FBXL13: variants seen among roughly 807,000 people sequenced by gnomAD.
FBXL13 encodes the protein F-box and leucine rich repeat protein 13.
Under a neutral mutation model 83.6 loss-of-function variants are expected in FBXL13, and 67 were observed. The ratio of observed to expected loss-of-function variants is 0.80; its 90% confidence interval spans 0.66 to 0.98. The LOEUF is 0.98. Among genes scored for constraint, FBXL13 ranks in the 50% least tolerant of loss-of-function variants. FBXL13 has a pLI of 0.00. For synonymous variants in FBXL13, 272 were observed against 299.5 expected (o/e 0.91, Z 0.95); for missense variants, 822 against 866.5 (o/e 0.95, Z 0.64).
chr7:102,916,032 G>A (rs577698823), intron 10 of FBXL13, among the ~76,000 whole-genome samples: 1 of 151,388 alleles, frequency 6.6e-6, no homozygotes, highest in East Asian at 1.9e-4. Context: ...TACCCAGGCT[G>A]GAGTGCAATG....
intron 1 of FBXL13, among the ~76,000 whole-genome samples, chr7:103,058,064 T>G (rs1210812246): frequency 6.6e-6 from 1 of 152,174 alleles, no homozygotes; most frequent in Non-Finnish European, 1.5e-5. Flanking sequence ...TTTCTTAGAC[T>G]CTCAGCAATT....
intron 3 of FBXL13, 86 bp from the exon 5 acceptor site, chr7:103,028,834 A>G (rs544421249): frequency 1.0e-5 from 12 of 1,162,442 alleles, no homozygotes; most frequent in Admixed American, 7.1e-5. Flanking sequence ...ACAAAGAATG[A>G]TATCTCCTTT....
intron 6 of FBXL13, among the ~76,000 whole-genome samples, chr7:102,991,703 T>C (rs1829574989): frequency 6.6e-6 from 1 of 152,204 alleles, no homozygotes; most frequent in Non-Finnish European, 1.5e-5. Context: ...AGTTAATTGA[T>C]AAATTGCTTC....
At chr7:103,052,814 T>G (rs1796957249) in intron 2 of FBXL13, among the ~76,000 whole-genome samples, 1 of 151,006 alleles carries the variant, frequency 6.6e-6, no homozygotes, top group Non-Finnish European at 1.5e-5. Flanking sequence ...TGGAGTGCAG[T>G]GGCACGATCT....
intron 6 of FBXL13, among the ~76,000 whole-genome samples, chr7:102,994,792 T>A (rs1014155778): frequency 6.6e-6 from 1 of 152,186 alleles, no homozygotes; most frequent in African/African-American, 2.4e-5. Flanking sequence ...CAGTGCAGGC[T>A]ACACTCTATT....
chr7:102,877,561 T>C (rs772831255), exon 16 of FBXL13: 2 of 1,610,354 alleles, frequency 1.2e-6, no homozygotes, highest in Non-Finnish European at 1.7e-6. Flanking sequence ...ATGTTCACAA[T>C]TTCGTAAACT....
At chr7:103,034,007 TAC>T (rs201055509) in intron 2 of FBXL13, among the ~76,000 whole-genome samples, 7,441 of 152,050 alleles carry the variant, frequency 0.049, 225 homozygotes, top group South Asian at 0.13. Context: ...AGTAGCTAGA[TAC>T]AGAGTGTCGA....
At chr7:102,932,252 T>C (rs1819323409) in intron 8 of FBXL13, among the ~76,000 whole-genome samples, 1 of 152,240 alleles carries the variant, frequency 6.6e-6, no homozygotes, top group Admixed American at 6.5e-5. Flanking sequence ...TGGTTTTTTG[T>C]GCCTGCTTTT....
At chr7:103,031,753 G>A (rs1794533649) in intron 2 of FBXL13, among the ~76,000 whole-genome samples, 1 of 152,238 alleles carries the variant, frequency 6.6e-6, no homozygotes, top group Admixed American at 6.5e-5. Flanking sequence ...AAGTTAAAGA[G>A]TGGGAATGTG....
intron 6 of FBXL13, among the ~76,000 whole-genome samples, chr7:102,992,378 T>C (rs1419165567): frequency 2.0e-5 from 3 of 152,172 alleles, no homozygotes; most frequent in Non-Finnish European, 4.4e-5. Context: ...AACAGAAACA[T>C]TAAGCAGCAT....
In FBXL13 at chr7:102,934,018, G is replaced by A. The variant is rs377630961; in HGVS notation, c.725-2085C>T. 2.2e-5 allele frequency: 36 copies of A among 1,614,038 alleles called. No individual in the cohort carries two copies. In the African/African-American group the frequency reaches 3.3e-4, roughly 15 times the overall value. On this transcript the variant is annotated intron_variant, in intron 8 of 19. Coordinates refer to ENST00000313221, the Ensembl canonical transcript of FBXL13. ...GAAGCCGAGTGAATCATGGCCGGGC[G>A]GGTGGAGGCCGGAGAGGCTCCAACC...
At chr7:103,007,033 A>C (rs1791063992) in intron 6 of FBXL13, among the ~76,000 whole-genome samples, 1 of 152,150 alleles carries the variant, frequency 6.6e-6, no homozygotes, top group Non-Finnish European at 1.5e-5. Flanking sequence ...ACCGCTATTC[A>C]AAATGAAGCA....
At chr7:102,896,108 G>T (rs1249990635) in intron 11 of FBXL13, among the ~76,000 whole-genome samples, 1 of 152,196 alleles carries the variant, frequency 6.6e-6, no homozygotes, top group East Asian at 1.9e-4. Context: ...GAGTTGGCAA[G>T]AAGGAGAACA....
intron 11 of FBXL13, among the ~76,000 whole-genome samples, chr7:102,910,369 GT>G (rs1052767740): frequency 3.3e-5 from 5 of 151,386 alleles, no homozygotes; most frequent in Admixed American, 6.6e-5. Flanking sequence ...TTATGAAGGT[GT>G]TTTTTCTTTT....
At chr7:102,903,939 C>CTTTTCTTTTTTTTTTTTTTTTTTTTTTT (rs1321420603) in intron 11 of FBXL13, among the ~76,000 whole-genome samples, 3 of 43,456 alleles carry the variant, frequency 6.9e-5, no homozygotes, top group Admixed American at 2.4e-4. Context: ...CTTTTCTTTT[C>CTTTTCTTTTTTTTTTTTTTTTTTTTTTT]TTTTTTTTTT....
chr7:103,009,245 A>C (rs1179693896), intron 6 of FBXL13, among the ~76,000 whole-genome samples: 1 of 152,226 alleles, frequency 6.6e-6, no homozygotes, highest in African/African-American at 2.4e-5. Flanking sequence ...GAAGCAGCTC[A>C]TGTGCGCCAC....
At chr7:102,985,998 C>T (rs1482136005) in intron 6 of FBXL13, among the ~76,000 whole-genome samples, 1 of 149,904 alleles carries the variant, frequency 6.7e-6, no homozygotes, top group Non-Finnish European at 1.5e-5. Context: ...CACCCCACAT[C>T]CCTGGAACCT....
intron 1 of FBXL13, chr7:103,074,142 C>A: frequency 2.6e-6 from 2 of 764,954 alleles, no homozygotes; most frequent in Non-Finnish European, 3.2e-6. Context: ...CTTACCTTCA[C>A]AAAGGGCTGA....
chr7:103,064,484 G>A (rs376223504), intron 1 of FBXL13, among the ~76,000 whole-genome samples: 1 of 152,280 alleles, frequency 6.6e-6, no homozygotes, highest in South Asian at 2.1e-4. Flanking sequence ...AGAAGAAAAG[G>A]GGGTAATTAC....
Sources: gnomAD v4.1 joint callset for allele counts (sites outside exome capture counted in the v4.1 genomes callset) on GRCh38, gnomAD v4.1.1 for gene constraint, MANE v1.5 for transcripts, NCBI Gene and HGNC (gene_info 2026-07-23, HGNC 2026-07-21) for gene names.